The following CELF4 variants were observed in gnomAD, a reference collection of about 807,000 sequenced individuals.
CELF4 encodes the protein CUGBP Elav-like family member 4.
Under a neutral mutation model 59.9 loss-of-function variants are expected in CELF4, and 18 were observed. That is an observed-to-expected ratio of 0.30 (90% CI 0.21 to 0.45). The LOEUF is 0.45. Ranked by LOEUF, CELF4 falls within the 20% of genes least tolerant of loss-of-function variation. CELF4 has a pLI of 1.00. For synonymous variants in CELF4, 261 were observed against 267.1 expected (o/e 0.98, Z 0.22); for missense variants, 456 against 689.0 (o/e 0.66, Z 3.79).
At chr18:37,326,195 G>A (rs948159850) in intron 2 of CELF4, among the ~76,000 whole-genome samples, 9 of 152,188 alleles carry the variant, frequency 5.9e-5, no homozygotes, top group African/African-American at 1.2e-4. Context: ...AGAGAATGCC[G>A]GAGAGGGCGA....
intron 2 of CELF4, among the ~76,000 whole-genome samples, chr18:37,377,134 T>C (rs2098980009): frequency 6.7e-6 from 1 of 150,072 alleles, no homozygotes; most frequent in Admixed American, 6.6e-5. Flanking sequence ...AAAAAGGAGA[T>C]GTGAGGAGAA....
intron 1 of CELF4, among the ~76,000 whole-genome samples, chr18:37,564,461 G>C (rs975938526): frequency 6.6e-6 from 1 of 152,148 alleles, no homozygotes; most frequent in Admixed American, 6.5e-5. Flanking sequence ...TTAATTCTTT[G>C]ATTATTCTGT....
chr18:37,325,165 G>T (rs886280549), intron 2 of CELF4, among the ~76,000 whole-genome samples: 1 of 141,138 alleles, frequency 7.1e-6, no homozygotes, highest in Non-Finnish European at 1.5e-5. Context: ...TCCCAACGGG[G>T]GAGTGAGGCC....
intron 2 of CELF4, among the ~76,000 whole-genome samples, chr18:37,408,597 C>A (rs1052539676): frequency 6.6e-6 from 1 of 151,748 alleles, no homozygotes; most frequent in Non-Finnish European, 1.5e-5. Flanking sequence ...ATGATTCTTC[C>A]CGTTTCCTAG....
intron 1 of CELF4, among the ~76,000 whole-genome samples, chr18:37,549,624 T>C (rs1434157645): frequency 6.6e-6 from 1 of 152,132 alleles, no homozygotes; most frequent in Non-Finnish European, 1.5e-5. Flanking sequence ...ATAAAAAAGG[T>C]ATCAACTGTA....
chr18:37,341,183 C>G (rs920312126), intron 2 of CELF4, among the ~76,000 whole-genome samples: 3 of 152,198 alleles, frequency 2.0e-5, no homozygotes, highest in Non-Finnish European at 4.4e-5. Flanking sequence ...GTTTGAATAA[C>G]CAGGCTCCAT....
At chr18:37,268,828 A>C (rs1471175681) in intron 8 of CELF4, among the ~76,000 whole-genome samples, 1 of 152,200 alleles carries the variant, frequency 6.6e-6, no homozygotes, top group Non-Finnish European at 1.5e-5. Flanking sequence ...GCGGGTCCAA[A>C]CTCCGCATTT....
intron 2 of CELF4, among the ~76,000 whole-genome samples, chr18:37,459,139 T>A (rs1403472532): frequency 6.6e-6 from 1 of 152,220 alleles, no homozygotes; most frequent in African/African-American, 2.4e-5. Flanking sequence ...CTGGACTACC[T>A]GCCTTGTGGT....
At chr18:37,476,019 C>T (rs2099847913) in intron 2 of CELF4, among the ~76,000 whole-genome samples, 1 of 152,230 alleles carries the variant, frequency 6.6e-6, no homozygotes, top group Admixed American at 6.5e-5. Context: ...TTAATTATTT[C>T]ATCTGTGAAT....
chr18:37,454,571 ACCC>A (rs1278452135), intron 2 of CELF4, among the ~76,000 whole-genome samples: 1 of 151,910 alleles, frequency 6.6e-6, no homozygotes, highest in African/African-American at 2.4e-5. Context: ...CTTTGTTCAC[ACCC>A]CCGCAATAAG....
chr18:37,313,983 G>C (rs901028064), intron 3 of CELF4, among the ~76,000 whole-genome samples: 1 of 152,188 alleles, frequency 6.6e-6, no homozygotes, highest in East Asian at 1.9e-4. Context: ...GCACCTAAAG[G>C]CTGCAGGAAC....
At chr18:37,383,941 G>A (rs1482590247) in intron 2 of CELF4, among the ~76,000 whole-genome samples, 5 of 152,248 alleles carry the variant, frequency 3.3e-5, no homozygotes, top group Non-Finnish European at 4.4e-5. Context: ...GGGTTGTGGC[G>A]GTGAGGGGGT....
chr18:37,280,839 C>G (rs1043828005), intron 3 of CELF4, among the ~76,000 whole-genome samples: 1 of 152,258 alleles, frequency 6.6e-6, no homozygotes, highest in Non-Finnish European at 1.5e-5. Context: ...ATCACCCATT[C>G]CTCTGACTTC....
chr18:37,409,667 G>A (rs74912891), intron 2 of CELF4, among the ~76,000 whole-genome samples: 2,677 of 152,208 alleles, frequency 0.018, 75 homozygotes, highest in African/African-American at 0.06. Context: ...TGAAGAGAAT[G>A]GGTGACAGAA....
chr18:37,264,833 G>T, intron 9 of CELF4, 76 bp from the exon 10 acceptor site: 1 of 1,263,440 alleles, frequency 7.9e-7, no homozygotes. Flanking sequence ...AGAGATTTCA[G>T]TGCAGGCAGT....
intron 2 of CELF4, among the ~76,000 whole-genome samples, chr18:37,324,456 G>C (rs894658462): frequency 6.6e-6 from 1 of 152,232 alleles, no homozygotes; most frequent in Non-Finnish European, 1.5e-5. Context: ...GCCAGGAAGA[G>C]AGCCCTCACC....
At chr18:37,334,887 C>T (rs1387035134) in intron 2 of CELF4, among the ~76,000 whole-genome samples, 2 of 152,144 alleles carry the variant, frequency 1.3e-5, no homozygotes, top group African/African-American at 2.4e-5. Flanking sequence ...ACGCCACAGC[C>T]TGATGATGCC....
chr18:37,304,591 G>C (rs1228761691), intron 3 of CELF4, among the ~76,000 whole-genome samples: 1 of 122,556 alleles, frequency 8.2e-6, no homozygotes, highest in Non-Finnish European at 1.8e-5. Flanking sequence ...CTTCTTTCAA[G>C]CCTTGGCCAC....
At chr18:37,442,209 C>A (rs977819069) in intron 2 of CELF4, among the ~76,000 whole-genome samples, 2 of 152,008 alleles carry the variant, frequency 1.3e-5, no homozygotes, top group South Asian at 4.1e-4. Context: ...ATGGAAGGAA[C>A]AAATTAAAAA....
Sources: gnomAD v4.1 joint callset for allele counts (sites outside exome capture counted in the v4.1 genomes callset) on GRCh38, gnomAD v4.1.1 for gene constraint, MANE v1.5 for transcripts, NCBI Gene and HGNC (gene_info 2026-07-23, HGNC 2026-07-21) for gene names.